Variants in ZNF280C observed in about 807,000 individuals in gnomAD.
ZNF280C encodes zinc finger protein 280C.
A neutral mutation model predicts 53.6 loss-of-function variants in ZNF280C; 14 were observed. The observed-to-expected ratio is 0.26, with a 90% CI of 0.17 to 0.41. The LOEUF (loss-of-function observed/expected upper bound fraction) is 0.41, where lower values mean the gene tolerates loss of function less well. ZNF280C is among the 10% of genes least tolerant of loss of function. The pLI, the probability that ZNF280C is intolerant of heterozygous loss-of-function variation, is 1.00. For missense variants in ZNF280C, 416 were observed against 547.1 expected (o/e 0.76, Z 2.39); for synonymous variants, 203 against 181.1 (o/e 1.12, Z -0.97).
chrX:130,228,860 GC>G (rs1190354029), intron 10 of ZNF280C, 116 bp downstream of exon 10: 3 of 648,273 alleles, frequency 4.6e-6, no homozygotes, highest in Non-Finnish European at 6.7e-6. Context: ...TTTCAATTTT[GC>G]CCTCATATTA....
At chrX:130,261,193 C>T (rs970465653) in intron 1 of ZNF280C, among the ~76,000 whole-genome samples, 2 of 111,498 alleles carry the variant, frequency 1.8e-5, no homozygotes, top group African/African-American at 6.5e-5. Flanking sequence ...GTTTACAATC[C>T]GTCTACGGTT....
intron 12 of ZNF280C, 63 bp downstream of exon 12, chrX:130,226,696 T>G: frequency 2.7e-6 from 3 of 1,093,660 alleles, no homozygotes; most frequent in Non-Finnish European, 3.7e-6. Context: ...TATAGATCTA[T>G]ACATATAGAT....
intron 15 of ZNF280C, among the ~76,000 whole-genome samples, chrX:130,211,446 C>T (rs1313436919): frequency 8.9e-6 from 1 of 111,851 alleles, no homozygotes; most frequent in Non-Finnish European, 1.9e-5. Context: ...GTTGGCATAG[C>T]CTGGGAATAA....
At chrX:130,255,386 C>T (rs775396305) in intron 2 of ZNF280C, among the ~76,000 whole-genome samples, 8 of 104,698 alleles carry the variant, frequency 7.6e-5, no homozygotes, top group South Asian at 8.9e-4. Flanking sequence ...GTGATCCGCC[C>T]GCCTCGGCCT....
intron 13 of ZNF280C, among the ~76,000 whole-genome samples, chrX:130,216,984 G>A (rs761521173): frequency 9.0e-6 from 1 of 110,881 alleles, no homozygotes; most frequent in African/African-American, 3.3e-5. Flanking sequence ...TGGGCAACAC[G>A]GCAAGACTCC....
intron 6 of ZNF280C, among the ~76,000 whole-genome samples, chrX:130,239,145 A>G (rs991278966): frequency 8.9e-6 from 1 of 111,840 alleles, no homozygotes; most frequent in African/African-American, 3.2e-5. Context: ...ATATTTAACT[A>G]TCATATCCAC....
At chrX:130,206,725 A>G (rs2031979650) in intron 16 of ZNF280C, among the ~76,000 whole-genome samples, 1 of 111,665 alleles carries the variant, frequency 9.0e-6, no homozygotes, top group Non-Finnish European at 1.9e-5. Context: ...CCTGCACATC[A>G]AAAATTATCT....
chrX:130,257,829 A>G (rs760785522), intron 2 of ZNF280C, among the ~76,000 whole-genome samples: 1 of 112,928 alleles, frequency 8.9e-6, no homozygotes, highest in South Asian at 3.6e-4. Flanking sequence ...AACTAATGTA[A>G]CAGCAATGGG....
chrX:130,252,992 A>G, intron 2 of ZNF280C, among the ~76,000 whole-genome samples: 1 of 111,871 alleles, frequency 8.9e-6, no homozygotes, highest in South Asian at 3.7e-4. Flanking sequence ...GTTTGCAGAC[A>G]GCATGAGCCA....
At chrX:130,210,743 T>C (rs1317615330) in intron 15 of ZNF280C, among the ~76,000 whole-genome samples, 2 of 112,657 alleles carry the variant, frequency 1.8e-5, no homozygotes, top group African/African-American at 6.4e-5. Flanking sequence ...TCACAGCCAA[T>C]GGTAATAGCT....
At chrX:130,264,285 G>C (rs1292193714) in intron 1 of ZNF280C, among the ~76,000 whole-genome samples, 1 of 110,940 alleles carries the variant, frequency 9.0e-6, no homozygotes, top group Non-Finnish European at 1.9e-5. Context: ...AGTTAAGAGA[G>C]AAAATAATTA....
chrX:130,235,288 T>C (rs753668125), intron 8 of ZNF280C, among the ~76,000 whole-genome samples: 47 of 112,388 alleles, frequency 4.2e-4, no homozygotes, highest in Non-Finnish European at 7.5e-4. Context: ...CTGAGGCCAG[T>C]GGATCCACTT....
At chrX:130,206,373 T>G (rs1268586383) in intron 16 of ZNF280C, among the ~76,000 whole-genome samples, 2 of 98,107 alleles carry the variant, frequency 2.0e-5, no homozygotes, top group African/African-American at 3.7e-5. Context: ...TTTTTTTTTT[T>G]TTTTTTTTTT....
At position 130,239,576 on chromosome X, in the gene ZNF280C, C is replaced by A. The variant is rs761613277; in HGVS notation, c.493+6G>T. 9.0e-7 allele frequency: 1 copy of A among 1,116,053 alleles called. No homozygotes were observed. Among genetic ancestry groups the A allele is most frequent in the Non-Finnish European group, 1.2e-6 (1 of 814,227 alleles). The allele number at this position is 1,116,053 out of a possible 1,213,427, so 92.0% of individuals were successfully genotyped here. On this transcript the variant is annotated splice_donor_region_variant and intron_variant, in intron 6 of 18. Transcript: ENST00000370978. ...ATAATTTTTATGAAAGAGTGCTAAACCAAACCTTCTCTAAAAATTGCTGGT... is the reference window on the plus strand; with the variant it reads ...ATAATTTTTATGAAAGAGTGCTAAAACAAACCTTCTCTAAAAATTGCTGGT...
intron 5 of ZNF280C, 24 bp from the exon 6 acceptor site, chrX:130,239,717 G>GT: frequency 1.0e-6 from 1 of 962,896 alleles, no homozygotes; most frequent in South Asian, 2.1e-5. Context: ...TAATTATTTT[G>GT]TTTCATAAAC....
chrX:130,257,376 G>C (rs894167763), intron 2 of ZNF280C, among the ~76,000 whole-genome samples: 17 of 110,591 alleles, frequency 1.5e-4, no homozygotes, highest in African/African-American at 5.6e-4. Flanking sequence ...ACAGTATTAC[G>C]GTCATCATAA....
At chrX:130,243,391 C>A (rs1363868615) in intron 5 of ZNF280C, among the ~76,000 whole-genome samples, 172 bp downstream of exon 5, 3 of 111,554 alleles carry the variant, frequency 2.7e-5, no homozygotes, top group African/African-American at 9.8e-5. Flanking sequence ...GCCATGTTGG[C>A]CAGGCTGGTC....
chrX:130,246,749 C>G, intron 3 of ZNF280C, 110 bp downstream of exon 3: 3 of 947,687 alleles, frequency 3.2e-6, no homozygotes, highest in Non-Finnish European at 4.4e-6. Flanking sequence ...CTCCCTCTTA[C>G]CTCTAACTCC....
At chrX:130,228,174 A>T (rs1015060318) in intron 10 of ZNF280C, among the ~76,000 whole-genome samples, 1 of 112,514 alleles carries the variant, frequency 8.9e-6, no homozygotes, top group Non-Finnish European at 1.9e-5. Context: ...TTAACTTCAA[A>T]TTTGAAAACC....
Sources: allele counts gnomAD v4.1 joint callset (sites outside exome capture counted in the v4.1 genomes callset), GRCh38; gene constraint gnomAD v4.1.1; transcripts MANE v1.5; gene names NCBI Gene and HGNC (gene_info 2026-07-23, HGNC 2026-07-21).